The following RAB11FIP4 variants were observed in gnomAD, a reference collection of about 807,000 sequenced individuals.
RAB11FIP4 encodes the protein RAB11 family interacting protein 4.
RAB11FIP4 carries 23 observed loss-of-function variants against 74.3 expected under a neutral mutation model. The observed-to-expected ratio is 0.31, with a 90% confidence interval of 0.22 to 0.44. The LOEUF is 0.44. Among genes scored for constraint, RAB11FIP4 ranks in the 20% least tolerant of loss-of-function variants. The pLI is 1.00. For synonymous variants in RAB11FIP4, 360 were observed against 359.9 expected (o/e 1.00, Z 0.00); for missense variants, 630 against 863.9 (o/e 0.73, Z 3.39).
At chr17:31,404,018 G>A (rs552099077) in intron 1 of RAB11FIP4, among the ~76,000 whole-genome samples, 12 of 152,320 alleles carry the variant, frequency 7.9e-5, no homozygotes, top group Admixed American at 4.6e-4. Flanking sequence ...GGCTGCCAGC[G>A]AACTGTGCCC....
In RAB11FIP4 at chr17:31,484,881, T is replaced by C. The variant is rs868547895; in HGVS notation, c.337-32770T>C. 4.6e-5 allele frequency among the ~76,000 whole-genome samples: 7 copies of C among 152,346 alleles called. No homozygotes were observed. The Middle Eastern group carries it at 0.014, about 296-fold the overall frequency. ...CACAATAGTTCTAAAATACATACTATTATTATCTCCAATTTAAAGATGAGG... is the reference window on the plus strand; with the variant it reads ...CACAATAGTTCTAAAATACATACTACTATTATCTCCAATTTAAAGATGAGG... On this transcript the variant is annotated intron_variant, in intron 3 of 14. Coordinates refer to ENST00000621161, the MANE Select transcript of RAB11FIP4 (RefSeq NM_032932.6).
At chr17:31,437,501 G>A (rs1055965121) in intron 3 of RAB11FIP4, among the ~76,000 whole-genome samples, 3 of 152,116 alleles carry the variant, frequency 2.0e-5, no homozygotes, top group African/African-American at 7.2e-5. Flanking sequence ...GGATCACTAC[G>A]TAGGCTTCCC....
chr17:31,480,731 T>TGAG (rs573992419), intron 3 of RAB11FIP4, among the ~76,000 whole-genome samples: 96 of 135,866 alleles, frequency 7.1e-4, no homozygotes, highest in African/African-American at 2.6e-3. Context: ...GAGGTTGCAG[T>TGAG]GAGCCGAGAT....
intron 3 of RAB11FIP4, among the ~76,000 whole-genome samples, chr17:31,449,725 G>T (rs1037878733): frequency 6.6e-6 from 1 of 151,626 alleles, no homozygotes; most frequent in Non-Finnish European, 1.5e-5. Flanking sequence ...TTTTTGTAGA[G>T]ATGGGGGTCT....
intron 1 of RAB11FIP4, among the ~76,000 whole-genome samples, chr17:31,408,717 G>A (rs2071064978): frequency 6.6e-6 from 1 of 152,218 alleles, no homozygotes; most frequent in Non-Finnish European, 1.5e-5. Context: ...GAGCTAAGCG[G>A]GGTGGGCACA....
intron 3 of RAB11FIP4, chr17:31,465,852 G>C (rs1460741586): frequency 1.3e-5 from 2 of 151,684 alleles, no homozygotes; most frequent in East Asian, 3.9e-4. Context: ...ATAAAAAAAA[G>C]AGCCAGGTGC....
At chr17:31,445,570 ATATATATATTTTTTTTTTT>A (rs2071452274) in intron 3 of RAB11FIP4, among the ~76,000 whole-genome samples, 5 of 11,588 alleles carry the variant, frequency 4.3e-4, no homozygotes, top group African/African-American at 1.7e-3. Context: ...ATATATATAT[ATATATATATTTTTTTTTTT>A]TTTTTTTTTT....
chr17:31,480,998 A>G (rs2071843267), intron 3 of RAB11FIP4, among the ~76,000 whole-genome samples: 2 of 152,168 alleles, frequency 1.3e-5, no homozygotes, highest in South Asian at 4.1e-4. Flanking sequence ...GGCTGTGTCT[A>G]CAACACCTAG....
chr17:31,495,872 C>T (rs1338944652), intron 3 of RAB11FIP4, among the ~76,000 whole-genome samples: 2 of 152,224 alleles, frequency 1.3e-5, no homozygotes, highest in Non-Finnish European at 2.9e-5. Context: ...ACACAGTCTG[C>T]GGAACTGTGA....
chr17:31,483,192 C>CAAAAAAAAA (rs56720417), intron 3 of RAB11FIP4, among the ~76,000 whole-genome samples: 6 of 58,570 alleles, frequency 1.0e-4, no homozygotes, highest in East Asian at 4.9e-4. Context: ...GACTGCATCT[C>CAAAAAAAAA]AAAAAAAAAA....
chr17:31,530,460 G>A lies in RAB11FIP4; in HGVS notation c.1788G>A (p.Ser596=), dbSNP rs747610392. 114 of 1,613,272 alleles carry A rather than the reference G, an allele frequency of 7.1e-5. 2 individuals are homozygous for A. In the Middle Eastern group the frequency reaches 1.7e-3, roughly 24 times the overall value. Reference sequence around the variant, plus strand: ...TGGCTGCGGAGATAGACACCGCCTCGCGCGATGAGGTAACCACACCACCGG... The same window carrying A: ...TGGCTGCGGAGATAGACACCGCCTCACGCGATGAGGTAACCACACCACCGG... ...QSLAAEIDTA[S]RDELMEALKE... Residue 596 remains serine, a synonymous_variant, in exon 14 of 15, where the codon TCG becomes TCA. Coordinates refer to ENST00000621161, the MANE Select transcript of RAB11FIP4 (RefSeq NM_032932.6).
chr17:31,458,287 T>C (rs979608288), intron 3 of RAB11FIP4, among the ~76,000 whole-genome samples: 22 of 152,130 alleles, frequency 1.4e-4, no homozygotes, highest in African/African-American at 5.1e-4. Context: ...AGAGGACTCC[T>C]TTGAGGAGCT....
intron 3 of RAB11FIP4, among the ~76,000 whole-genome samples, chr17:31,483,420 C>T (rs1192031034): frequency 6.6e-6 from 1 of 152,116 alleles, no homozygotes; most frequent in Non-Finnish European, 1.5e-5. Context: ...GATGCCATTT[C>T]CCACCTCTGG....
chr17:31,485,978 G>A lies in RAB11FIP4; in HGVS notation c.337-31673G>A, dbSNP rs2142743500. On this transcript the variant is annotated intron_variant, in intron 3 of 14. Transcript: ENST00000621161. ...CAGCCAGGCGCAGTGGCTCACGCCTGTAATCCTAGCACTTTGGGAGGCCAA... is the reference window on the plus strand; with the variant it reads ...CAGCCAGGCGCAGTGGCTCACGCCTATAATCCTAGCACTTTGGGAGGCCAA... Among the ~76,000 whole-genome samples the A allele has an allele frequency of 1.3e-5, 2 of 152,178 alleles. 1 individual carries two copies. Among genetic ancestry groups the A allele is most frequent in the South Asian group, 4.1e-4 (2 of 4,824 alleles).
At chr17:31,422,418 C>G (rs2071208709) in intron 1 of RAB11FIP4, among the ~76,000 whole-genome samples, 3 of 152,184 alleles carry the variant, frequency 2.0e-5, no homozygotes, top group African/African-American at 4.8e-5. Flanking sequence ...TTCTATCTAA[C>G]TGGTTATATT....
At chr17:31,508,547 G>A (rs908422025) in intron 3 of RAB11FIP4, among the ~76,000 whole-genome samples, 5 of 152,220 alleles carry the variant, frequency 3.3e-5, no homozygotes, top group African/African-American at 4.8e-5. Context: ...CGCCTTTGGG[G>A]CAGGCTGGAT....
chr17:31,498,725 T>C (rs190112105), intron 3 of RAB11FIP4, among the ~76,000 whole-genome samples: 4 of 152,320 alleles, frequency 2.6e-5, no homozygotes, highest in Non-Finnish European at 4.4e-5. Flanking sequence ...TAGTGGCCTC[T>C]CTCTGGAAAG....
chr17:31,498,060 G>A (rs1265031685), intron 3 of RAB11FIP4, among the ~76,000 whole-genome samples: 1 of 152,130 alleles, frequency 6.6e-6, no homozygotes, highest in Non-Finnish European at 1.5e-5. Context: ...CATGTCCTGA[G>A]GCTGAGACCT....
At chr17:31,519,664 G>T (rs1485801194) in intron 4 of RAB11FIP4, among the ~76,000 whole-genome samples, 1 of 152,194 alleles carries the variant, frequency 6.6e-6, no homozygotes, top group Non-Finnish European at 1.5e-5. Context: ...TGAACCACAT[G>T]AAATTGACAA....
Sources: allele counts gnomAD v4.1 joint callset (sites outside exome capture counted in the v4.1 genomes callset), GRCh38; gene constraint gnomAD v4.1.1; transcripts MANE v1.5; gene names NCBI Gene and HGNC (gene_info 2026-07-23, HGNC 2026-07-21).